Variants in SRL observed in about 807,000 individuals in gnomAD.
The protein encoded by SRL is sarcalumenin.
SRL carries 23 observed loss-of-function variants against 39.5 expected under a neutral mutation model. That is an observed-to-expected ratio of 0.58 (90% CI 0.42 to 0.82). The LOEUF is 0.82. Among genes scored for constraint, SRL ranks in the 40% least tolerant of loss-of-function variants. The pLI, the probability that SRL is intolerant of heterozygous loss-of-function variation, is 0.00. For missense variants in SRL, 592 were observed against 607.8 expected, an observed-to-expected ratio of 0.97 and a Z score of 0.27; for synonymous variants, 272 against 237.4, an observed-to-expected ratio of 1.15 and a Z score of -1.34.
At chr16:4,227,428 G>A (rs540082069) in intron 1 of SRL, among the ~76,000 whole-genome samples, 1 of 152,060 alleles carries the variant, frequency 6.6e-6, no homozygotes, top group African/African-American at 2.4e-5. Context: ...CTGATGGATG[G>A]AAGGATGGAT....
intron 4 of SRL, among the ~76,000 whole-genome samples, chr16:4,197,589 T>G (rs1325983992): frequency 6.6e-6 from 1 of 151,538 alleles, no homozygotes; most frequent in East Asian, 1.9e-4. Flanking sequence ...GCTTAGCTAA[T>G]TTTTGTATTT....
intron 1 of SRL, chr16:4,208,250 G>A: frequency 2.8e-6 from 1 of 354,314 alleles, no homozygotes; most frequent in Middle Eastern, 1.0e-3. Flanking sequence ...GGGTCTTCAG[G>A]ACTACCTCGT....
At chr16:4,225,346 G>A (rs781309711) in intron 1 of SRL, among the ~76,000 whole-genome samples, 1 of 152,180 alleles carries the variant, frequency 6.6e-6, no homozygotes, top group African/African-American at 2.4e-5. Context: ...ACTCGGTGAG[G>A]CTGAGGTGAG....
chr16:4,206,468 G>T (rs192041064), intron 1 of SRL, among the ~76,000 whole-genome samples: 5 of 152,122 alleles, frequency 3.3e-5, no homozygotes, highest in African/African-American at 4.8e-5. Context: ...GGGCTACGGC[G>T]CATCAGGGAC....
rs374893204 is a variant in SRL at position 4,241,954 on chromosome 16, G to A, written c.61+53C>T. On this transcript the variant is annotated intron_variant, in intron 1 of 5. Transcript: ENST00000399609. ...CAACCCATGGTAGACAGAAAACCTT[G>A]GAGGAAGCGTGGGGGACCAGTCTGG... 1.2e-4 allele frequency: 200 copies of A among 1,602,296 alleles called. No individual in the cohort carries two copies. In the African/African-American group the frequency reaches 2.2e-3, roughly 18 times the overall value.
At chr16:4,204,688 T>A in intron 1 of SRL, 54 bp from the exon 2 acceptor site, 1 of 1,542,590 alleles carries the variant, frequency 6.5e-7, no homozygotes, top group Non-Finnish European at 9.0e-7. Context: ...CCAGCTGAGC[T>A]CTGGGCCCCG....
chr16:4,236,491 T>C (rs1437967172), intron 1 of SRL, among the ~76,000 whole-genome samples: 5 of 152,160 alleles, frequency 3.3e-5, no homozygotes, highest in Non-Finnish European at 5.9e-5. Flanking sequence ...TACAGCTCCA[T>C]GGGTGACCTC....
chr16:4,206,754 TC>T (rs58255304), intron 1 of SRL: 222,059 of 456,552 alleles, frequency 0.49, 57,146 homozygotes, highest in African/African-American at 0.75. Context: ...GGACTCTCCC[TC>T]CCCCTGATGT....
chr16:4,214,730 C>T (rs1255186337), intron 1 of SRL, among the ~76,000 whole-genome samples: 1 of 151,910 alleles, frequency 6.6e-6, no homozygotes, highest in African/African-American at 2.4e-5. Context: ...CTTTATCCTA[C>T]TGGGTAAACA....
chr16:4,197,217 C>T (rs917190812), intron 4 of SRL, among the ~76,000 whole-genome samples: 2 of 150,434 alleles, frequency 1.3e-5, no homozygotes, highest in African/African-American at 2.4e-5. Context: ...TACAGGCACC[C>T]GCCATCACAC....
intron 1 of SRL, among the ~76,000 whole-genome samples, chr16:4,217,665 A>G (rs1436485264): frequency 3.9e-5 from 6 of 152,204 alleles, no homozygotes; most frequent in Non-Finnish European, 7.3e-5. Context: ...TAAAATGTAG[A>G]TAACAATACC....
chr16:4,192,573 G>T lies in SRL; in HGVS notation c.1002C>A (p.Arg334=), dbSNP rs1461488953. 6.2e-7 allele frequency: 1 copy of T among 1,614,218 alleles called. No individual in the cohort carries two copies. Among genetic ancestry groups the T allele is most frequent in the East Asian group, 2.2e-5 (1 of 44,888 alleles). ...GGATGCGGACCCGGATGGCGTGCTG[G>T]CGGATGAAGGCAATCTTGTTCTCCA... ...NRLENKIAFI[R]QHAIRVRIHA... Residue 334 remains arginine, a synonymous_variant, in exon 6 of 6, where the codon CGC becomes CGA. Transcript: ENST00000399609. The surrounding 1 kb of genome is among the most constrained non-coding windows in gnomAD (Gnocchi z 4.0).
intron 1 of SRL, among the ~76,000 whole-genome samples, chr16:4,228,734 C>CAA (rs371756722): frequency 2.9e-5 from 4 of 136,166 alleles, no homozygotes; most frequent in African/African-American, 8.1e-5. Flanking sequence ...GACTCCGTCT[C>CAA]AAAAAAAAAA....
rs142605419 is a variant in SRL, at chr16:4,196,448, G to GTC, written c.377-664_377-663dup. Among the ~76,000 whole-genome samples the GTC allele has an allele frequency of 9.7e-3, 1,429 of 148,050 alleles. 23 individuals carry two copies. The highest frequency in any genetic ancestry group is 0.033 in the African/African-American group (1,304 of 40,040). On this transcript the variant is annotated intron_variant, in intron 4 of 5. Transcript: ENST00000399609. ...AGTCCCTGGTTACAAGCACTCTGGCGTCTCTCTCTCTGATTTTGCCTTCTT... is the reference window on the plus strand; with the variant it reads ...AGTCCCTGGTTACAAGCACTCTGGCGTCTCTCTCTCTCTGATTTTGCCTTCTT...
chr16:4,192,359 C>G lies in SRL; in HGVS notation c.1216G>C (p.Gly406Arg). 1 of 1,614,118 alleles carries G rather than the reference C, an allele frequency of 6.2e-7. No individual in the cohort carries two copies. Among genetic ancestry groups the G allele is most frequent in the Non-Finnish European group, 8.5e-7 (1 of 1,180,028 alleles). ...PNREAYKDFF[G>R]INPISSFKLL... ...TTGAAACTGGAAATGGGATTGATGC[C>G]GAAGAAGTCCTTATAGGCCTCGCGG... The change falls in exon 6 of 6, where the codon GGC becomes CGC. Residue 406 changes from glycine (G) to arginine (R), a missense_variant. By Grantham distance (125) the Gly-to-Arg change is moderately radical (BLOSUM62 -2). Transcript: ENST00000399609. This position sits in a 1 kb window ranked among gnomAD's most constrained non-coding sequence, Gnocchi z 4.0.
chr16:4,237,824 C>T (rs2052729283), intron 1 of SRL, among the ~76,000 whole-genome samples: 1 of 152,138 alleles, frequency 6.6e-6, no homozygotes, highest in Non-Finnish European at 1.5e-5. Flanking sequence ...AATATTCCCT[C>T]ATCCGTAAAA....
chr16:4,196,512 C>T (rs1417643593), intron 4 of SRL, among the ~76,000 whole-genome samples: 1 of 141,890 alleles, frequency 7.0e-6, no homozygotes, highest in Non-Finnish European at 1.5e-5. Context: ...AGCAGAGTCT[C>T]ACTCTATCGC....
At chr16:4,204,076 G>A (rs534923550) in intron 2 of SRL, among the ~76,000 whole-genome samples, 1 of 152,188 alleles carries the variant, frequency 6.6e-6, no homozygotes, top group Non-Finnish European at 1.5e-5. Flanking sequence ...CGTGGGCCAG[G>A]AGCAAATCGC....
In SRL at chr16:4,204,612, TTCATTTGCATCC is replaced by T. The variant is rs1450594847; in HGVS notation, c.72_83del (p.Asp25_Glu28del). The T allele has an allele frequency of 1.2e-6, 2 of 1,614,060 alleles. No homozygotes were observed. The highest frequency in any genetic ancestry group is 3.3e-5 in the Admixed American group (2 of 60,004). On this transcript the variant is annotated inframe_deletion, in exon 2 of 6. Coordinates refer to ENST00000399609, the MANE Select transcript of SRL (RefSeq NM_001098814.2). ...GGGAGCGGTCCCTCAATGGGGCTTCTTCATTTGCATCCTCCGTCTCTTCTGTGGAGAGAAGCA... is the reference window on the plus strand; with the variant it reads ...GGGAGCGGTCCCTCAATGGGGCTTCTTCCGTCTCTTCTGTGGAGAGAAGCA...
Sources: gnomAD v4.1 joint callset for allele counts (sites outside exome capture counted in the v4.1 genomes callset) on GRCh38, gnomAD v4.1.1 for gene constraint, Gnocchi (gnomAD v3.1) non-coding constraint, MANE v1.5 for transcripts, NCBI Gene and HGNC (gene_info 2026-07-23, HGNC 2026-07-21) for gene names.